Variants in ZFYVE16 observed in about 807,000 individuals in gnomAD.
ZFYVE16 encodes the protein zinc finger FYVE-type containing 16.
In ZFYVE16, 89 loss-of-function variants were observed where a neutral mutation model predicts 138.1. The ratio of observed to expected loss-of-function variants is 0.64; its 90% CI spans 0.54 to 0.77. The LOEUF is 0.77. ZFYVE16 is among the 30% of genes least tolerant of loss of function. ZFYVE16 has a pLI of 0.00. For synonymous variants in ZFYVE16, 596 were observed against 618.3 expected (o/e 0.96, Z 0.53); for missense variants, 1,793 against 1,786.7 (o/e 1.00, Z -0.06).
In ZFYVE16 at chr5:80,481,069, A is replaced by G. The variant is rs1755251559; in HGVS notation, c.*3692A>G. Among the ~76,000 whole-genome samples, 1 of 152,076 alleles carries G rather than the reference A, an allele frequency of 6.6e-6. No individual in the cohort carries two copies. The highest frequency in any genetic ancestry group is 1.5e-5 in the Non-Finnish European group (1 of 68,032). On this transcript the variant is annotated 3_prime_UTR_variant, in exon 19 of 19. Coordinates refer to ENST00000505560, the MANE Select transcript of ZFYVE16 (RefSeq NM_001284236.3). ...TAATTTAATTGCAGTATTCTAAGAG[A>G]GCCTCAGGAAAGATGCAGTAAGACC... is the stretch of plus-strand genomic sequence containing the variant.
At chr5:80,476,311 C>A (rs1425717527) in intron 18 of ZFYVE16, among the ~76,000 whole-genome samples, 6 of 151,998 alleles carry the variant, frequency 3.9e-5, no homozygotes, top group Admixed American at 2.0e-4. Flanking sequence ...AAAAATAATA[C>A]CACATTATTA....
intron 15 of ZFYVE16, among the ~76,000 whole-genome samples, chr5:80,463,653 T>C (rs1279005620): frequency 6.6e-6 from 1 of 152,216 alleles, no homozygotes; most frequent in Non-Finnish European, 1.5e-5. Context: ...TTTTTCTTTA[T>C]CGCGTTATCA....
chr5:80,456,116 G>T (rs1561309973), intron 12 of ZFYVE16: 3 of 297,736 alleles, frequency 1.0e-5, no homozygotes, highest in African/African-American at 6.7e-5. Context: ...TCAGTCTTGT[G>T]ATTTTGAGCA....
intron 1 of ZFYVE16, among the ~76,000 whole-genome samples, chr5:80,408,926 T>A (rs1274667572): frequency 6.6e-6 from 1 of 152,196 alleles, no homozygotes; most frequent in Non-Finnish European, 1.5e-5. Flanking sequence ...GTCTCTTGAG[T>A]TGGCGGGAGT....
Position 80,448,383 on chromosome 5 carries a change from G to A in ZFYVE16, c.3082G>A (p.Ala1028Thr), listed in dbSNP as rs779985600. 1.2e-5 allele frequency: 18 copies of A among 1,548,058 alleles called. No homozygotes were observed. In the South Asian group the frequency reaches 2.1e-4, roughly 18 times the overall value. ...DEDSLPPLLV[A>T]SGEKGSVPVV... ...GGACAGTTTGCCCCCACTTCTGGTT[G>A]CATCTGGAGAAAAGGGATCAGGTAG... is the stretch of plus-strand genomic sequence containing the variant. The change falls in exon 8 of 19, where the codon GCA (alanine) becomes ACA (threonine). Residue 1028 changes from alanine (A) to threonine (T), a missense_variant. Transcript: ENST00000505560.
At chr5:80,457,278 A>G (rs780645672) in intron 14 of ZFYVE16, among the ~76,000 whole-genome samples, 186 bp downstream of exon 14, 1 of 152,238 alleles carries the variant, frequency 6.6e-6, no homozygotes, top group African/African-American at 2.4e-5. Flanking sequence ...CTCTTGGGCT[A>G]CTTTAGGCTT....
At chr5:80,408,464 G>A (rs1201808811) in intron 1 of ZFYVE16, among the ~76,000 whole-genome samples, 1 of 152,352 alleles carries the variant, frequency 6.6e-6, no homozygotes, top group African/African-American at 2.4e-5. Flanking sequence ...GCTCCTGGGG[G>A]AGAGACCCCA....
chr5:80,440,702 G>A (rs1374654187), intron 5 of ZFYVE16: 3 of 979,100 alleles, frequency 3.1e-6, no homozygotes, highest in Non-Finnish European at 3.6e-6. Flanking sequence ...GTGTGTGTGT[G>A]TGGTGTTTTT....
In ZFYVE16 at chr5:80,450,814, ATTTT is replaced by A. The variant is rs139742757; in HGVS notation, c.3382+247_3382+250del. Among the ~76,000 whole-genome samples the A allele has an allele frequency of 6.0e-3, 547 of 90,436 alleles. 3 individuals carry two copies. Among genetic ancestry groups the A allele is most frequent in the African/African-American group, 0.018 (492 of 26,756 alleles). The allele number at this position is 90,436 out of a possible 152,430, so 59.3% of individuals were successfully genotyped here. A position where few individuals can be genotyped will look rare whatever the true frequency, so the allele number is the denominator to read the frequency against. On this transcript the variant is annotated intron_variant, in intron 10 of 18. Coordinates refer to ENST00000505560, the MANE Select transcript of ZFYVE16 (RefSeq NM_001284236.3). ...AAAATGGAAATATATCCTTATATCC[ATTTT>A]TTTTTTTTTTTTTTTTTTGAGACAG...
rs1371754121 is a variant in ZFYVE16, at chr5:80,483,129, A to G, written c.*5752A>G. 6.6e-6 allele frequency: 1 copy of G among 152,254 alleles called. No individual in the cohort carries two copies. Among genetic ancestry groups the G allele is most frequent in the Non-Finnish European group, 1.5e-5 (1 of 68,090 alleles). The allele number at this position is 152,254 out of a possible 1,614,324, so 9.4% of individuals were successfully genotyped here. ...GGTGATCTGCCTGCTTCGGCCTCCC[A>G]AAGTGCTGAGATTAGAGGCATGAGC... is the stretch of plus-strand genomic sequence containing the variant. On this transcript the variant is annotated 3_prime_UTR_variant, in exon 19 of 19. Transcript: ENST00000505560.
intron 15 of ZFYVE16, among the ~76,000 whole-genome samples, chr5:80,472,445 A>G (rs908110389): frequency 2.0e-5 from 3 of 151,760 alleles, no homozygotes; most frequent in Non-Finnish European, 2.9e-5. Flanking sequence ...TGCACTGCCT[A>G]TTGTCCAGAA....
chr5:80,471,919 A>G (rs935164046), intron 15 of ZFYVE16, among the ~76,000 whole-genome samples: 28 of 152,062 alleles, frequency 1.8e-4, no homozygotes, highest in Admixed American at 1.6e-3. Flanking sequence ...CTTCAAATCT[A>G]TTTTGCCTAT....
intron 15 of ZFYVE16, among the ~76,000 whole-genome samples, chr5:80,464,083 G>C (rs1753427201): frequency 6.6e-6 from 1 of 152,042 alleles, no homozygotes; most frequent in Non-Finnish European, 1.5e-5. Context: ...CCTCCAAACT[G>C]TTCCACCCTC....
intron 5 of ZFYVE16, chr5:80,441,142 A>G (rs1750663412): frequency 1.0e-6 from 1 of 985,458 alleles, no homozygotes; most frequent in African/African-American, 1.7e-5. Context: ...AGCCAAGGCA[A>G]TCTGCTAGAA....
rs1754522190 is a variant in ZFYVE16, at chr5:80,472,856, G to T, written c.4120G>T (p.Asp1374Tyr). The T allele has an allele frequency of 5.6e-6, 9 of 1,614,004 alleles. No homozygotes were observed. Among genetic ancestry groups the T allele is most frequent in the Non-Finnish European group, 7.6e-6 (9 of 1,179,946 alleles). The part of the protein sequence containing the change: ...KDFKITCGKV[D>Y]AVDLREYVDI... ...CTTTAAAATTACATGTGGGAAAGTT[G>T]ATGCAGTAGACCTGAGAGAATACGT... Residue 1374 changes from aspartate to tyrosine, a missense_variant, in exon 16 of 19, where the codon GAT (aspartate) becomes TAT (tyrosine). Coordinates refer to ENST00000505560, the MANE Select transcript of ZFYVE16 (RefSeq NM_001284236.3).
chr5:80,429,894 C>T (rs1045006216), intron 2 of ZFYVE16, among the ~76,000 whole-genome samples: 3 of 152,092 alleles, frequency 2.0e-5, no homozygotes, highest in Non-Finnish European at 2.9e-5. Flanking sequence ...GCTCACTATC[C>T]TAAATATATA....
chr5:80,462,646 AAC>A (rs1753252791), intron 15 of ZFYVE16, among the ~76,000 whole-genome samples: 1 of 152,232 alleles, frequency 6.6e-6, no homozygotes, highest in African/African-American at 2.4e-5. Flanking sequence ...ATGCCTTTGC[AAC>A]AGTCTCCCAA....
chr5:80,442,157 G>A (rs989448515), intron 5 of ZFYVE16, among the ~76,000 whole-genome samples: 7 of 152,154 alleles, frequency 4.6e-5, no homozygotes, highest in African/African-American at 1.4e-4. Flanking sequence ...AAGTTGGAGT[G>A]TAGTGGTGTG....
At chr5:80,441,935 G>A in intron 5 of ZFYVE16, 2 of 985,130 alleles carry the variant, frequency 2.0e-6, no homozygotes, top group Non-Finnish European at 2.4e-6. Flanking sequence ...GCACTATTCT[G>A]CATTCTGAAG....
Sources: gnomAD v4.1 joint callset for allele counts (sites outside exome capture counted in the v4.1 genomes callset) on GRCh38, gnomAD v4.1.1 for gene constraint, MANE v1.5 for transcripts, NCBI Gene and HGNC (gene_info 2026-07-23, HGNC 2026-07-21) for gene names.